The following MFAP2 variants were observed in gnomAD, a reference collection of about 807,000 sequenced individuals.
The protein encoded by MFAP2 is microfibril associated protein 2.
In MFAP2, 23 loss-of-function variants were observed where a neutral mutation model predicts 30.6. That is an observed-to-expected ratio of 0.75 (90% CI 0.54 to 1.07). The LOEUF (loss-of-function observed/expected upper bound fraction) is 1.07. Ranked by LOEUF, MFAP2 falls within the 50% of genes least tolerant of loss-of-function variation. The probability of loss-of-function intolerance (pLI) is 0.00; values close to 1 mark genes in which losing one functional copy is unlikely to be tolerated. For missense variants in MFAP2, 198 were observed against 223.8 expected (o/e 0.88, Z 0.74); for synonymous variants, 73 against 85.7 (o/e 0.85, Z 0.82).
intron 3 of MFAP2, 88 bp downstream of exon 3, chr1:16,977,021 G>C (rs2076598565): frequency 6.2e-7 from 1 of 1,612,412 alleles, no homozygotes; most frequent in South Asian, 1.1e-5. Context: ...CCAACCCCCA[G>C]AGTTCCCATC....
At chr1:16,980,267 A>ACCCCCCCCCCCCCCCCC (rs60000302) in intron 1 of MFAP2, among the ~76,000 whole-genome samples, 1 of 80,298 alleles carries the variant, frequency 1.2e-5, no homozygotes, top group Non-Finnish European at 2.3e-5. Flanking sequence ...TTCCCACCGG[A>ACCCCCCCCCCCCCCCCC]CCCCCCCCCC....
At chr1:16,978,403 A>G in intron 1 of MFAP2, 89 bp from the exon 2 acceptor site, 1 of 1,115,262 alleles carries the variant, frequency 9.0e-7, no homozygotes, top group Non-Finnish European at 1.3e-6. Flanking sequence ...GCCCTGGAGA[A>G]GGTGGCACCC....
Position 16,975,812 on chromosome 1 carries a change from C to A in MFAP2, c.287-82G>T. On this transcript the variant is annotated intron_variant, in intron 6 of 8. Coordinates refer to ENST00000375535, the MANE Select transcript of MFAP2 (RefSeq NM_002403.4). This position sits in a 1 kb window ranked among gnomAD's most constrained non-coding sequence, Gnocchi z 5.0. ...ACCCACCTGAGGCTGGCTCACAGGG[C>A]CTAGTCCCCCCTGTACCTTCAGGCC... is the stretch of plus-strand genomic sequence containing the variant. 8.5e-7 allele frequency: 1 copy of A among 1,171,460 alleles called. No homozygotes were observed. The highest frequency in any genetic ancestry group is 1.2e-6 in the Non-Finnish European group (1 of 801,222). 72.6% of individuals were successfully genotyped at this position (1,171,460 alleles called of 1,614,324 possible).
chr1:16,979,623 T>C (rs1045792783), intron 1 of MFAP2, among the ~76,000 whole-genome samples: 3 of 152,144 alleles, frequency 2.0e-5, no homozygotes, highest in African/African-American at 7.2e-5. Flanking sequence ...GACCTCCTCA[T>C]GGGAGGGGGA....
Position 16,975,120 on chromosome 1 carries a change from G to T in MFAP2, c.449-97C>A. On this transcript the variant is annotated intron_variant, in intron 8 of 8. Coordinates refer to ENST00000375535, the MANE Select transcript of MFAP2 (RefSeq NM_002403.4). This position sits in a 1 kb window ranked among gnomAD's most constrained non-coding sequence, Gnocchi z 5.0. ...CTGGTGATGGGAGTGTTTTGAGGAT[G>T]AAAAGTAGCAAGGAGGGGAGCTCAG... is the stretch of plus-strand genomic sequence containing the variant. 7.5e-7 allele frequency: 1 copy of T among 1,339,288 alleles called. No homozygotes were observed. Among genetic ancestry groups the T allele is most frequent in the Non-Finnish European group, 1.0e-6 (1 of 953,442 alleles). 83.0% of individuals were successfully genotyped at this position (1,339,288 alleles called of 1,614,324 possible). A position where few individuals can be genotyped will look rare whatever the true frequency, so the allele number is the denominator to read the frequency against.
At position 16,976,818 on chromosome 1, in the gene MFAP2, G is replaced by A; in HGVS notation, c.155-24C>T. The A allele has an allele frequency of 6.2e-7, 1 of 1,613,986 alleles. No homozygotes were observed. ...CTCTGCAGCCAGGGGAGGATAAGGGGGTCTGCTCCCTCTACCCCTCCCAGG... is the reference window on the plus strand; with the variant it reads ...CTCTGCAGCCAGGGGAGGATAAGGGAGTCTGCTCCCTCTACCCCTCCCAGG... On this transcript the variant is annotated intron_variant, in intron 4 of 8. Coordinates refer to ENST00000375535, the MANE Select transcript of MFAP2 (RefSeq NM_002403.4). This position sits in a 1 kb window ranked among gnomAD's most constrained non-coding sequence, Gnocchi z 5.5.
intron 2 of MFAP2, 24 bp downstream of exon 2, chr1:16,978,213 C>A: frequency 1.3e-6 from 2 of 1,561,330 alleles, no homozygotes; most frequent in East Asian, 2.3e-5. Context: ...AGAGGAGCTA[C>A]CCCCTGCCCC....
chr1:16,975,228 G>A lies in MFAP2; in HGVS notation c.448+41C>T. ...GCTAGGTGGCCAGATAATGATGCGG[G>A]TGTGGGGACAGGGGAGGTCTTGGGG... On this transcript the variant is annotated intron_variant, in intron 8 of 8. Transcript: ENST00000375535. This position sits in a 1 kb window ranked among gnomAD's most constrained non-coding sequence, Gnocchi z 5.0. 1 of 1,571,566 alleles carries A rather than the reference G, an allele frequency of 6.4e-7. No homozygotes were observed. Among genetic ancestry groups the A allele is most frequent in the East Asian group, 2.2e-5 (1 of 44,680 alleles).
In MFAP2 at chr1:16,975,144, AG is replaced by A. The variant is rs2076577913; in HGVS notation, c.449-122del. 10 of 1,279,734 alleles carry A rather than the reference AG, an allele frequency of 7.8e-6. No homozygotes were observed. The highest frequency in any genetic ancestry group is 1.5e-5 in the African/African-American group (1 of 68,520). The allele number at this position is 1,279,734 out of a possible 1,614,324, so 79.3% of individuals were successfully genotyped here. A position where few individuals can be genotyped will look rare whatever the true frequency, so the allele number is the denominator to read the frequency against. On this transcript the variant is annotated intron_variant, in intron 8 of 8. Coordinates refer to ENST00000375535, the MANE Select transcript of MFAP2 (RefSeq NM_002403.4). The surrounding 1 kb of genome is among the most constrained non-coding windows in gnomAD (Gnocchi z 5.0). Reference sequence around the variant, plus strand: ...TGAAAAGTAGCAAGGAGGGGAGCTCAGGGTGTCCTGGAAGTGGGCCTGGTGG... The same window carrying A: ...TGAAAAGTAGCAAGGAGGGGAGCTCAGGTGTCCTGGAAGTGGGCCTGGTGG...
Position 16,975,032 on chromosome 1 carries a change from G to A in MFAP2, c.449-9C>T, listed in dbSNP as rs773034942. The stretch of plus-strand genomic sequence containing the variant: ...GTCCCGACAGAGGTCAGCTATTGGG[G>A]GCAGGAAGGAGGCAGGGTCAGGGTG... On this transcript the variant is annotated splice_polypyrimidine_tract_variant and intron_variant, in intron 8 of 8. Transcript: ENST00000375535. This position sits in a 1 kb window ranked among gnomAD's most constrained non-coding sequence, Gnocchi z 5.0. 19 of 805,028 alleles carry A rather than the reference G, an allele frequency of 2.4e-5. No individual in the cohort carries two copies. Among genetic ancestry groups the A allele is most frequent in the Non-Finnish European group, 3.8e-5 (18 of 475,868 alleles). 49.9% of individuals were successfully genotyped at this position (805,028 alleles called of 1,614,324 possible).
In MFAP2 at chr1:16,976,371, C is replaced by T; in HGVS notation, c.286+130G>A. On this transcript the variant is annotated intron_variant, in intron 6 of 8. Transcript: ENST00000375535. The surrounding 1 kb of genome is among the most constrained non-coding windows in gnomAD (Gnocchi z 5.5). ...CCTGGTGATGCCAGCCTACGGCAGT[C>T]ATACTGCCCACACTGCCAAGAGCCC... 8.4e-7 allele frequency: 1 copy of T among 1,193,208 alleles called. No homozygotes were observed. The highest frequency in any genetic ancestry group is 1.2e-6 in the Non-Finnish European group (1 of 805,916). 73.9% of individuals were successfully genotyped at this position (1,193,208 alleles called of 1,614,324 possible).
rs1351185115 is a variant in MFAP2 at position 16,976,224 on chromosome 1, C to T, written c.286+277G>A. On this transcript the variant is annotated intron_variant, in intron 6 of 8. Coordinates refer to ENST00000375535, the MANE Select transcript of MFAP2 (RefSeq NM_002403.4). This position sits in a 1 kb window ranked among gnomAD's most constrained non-coding sequence, Gnocchi z 5.5. Reference sequence around the variant, plus strand: ...CTCAGTCTCTCTGGCTGGCAGGAAGCCCCCAGCACACTCCCTGCCCCTCCC... The same window carrying T: ...CTCAGTCTCTCTGGCTGGCAGGAAGTCCCCAGCACACTCCCTGCCCCTCCC... The T allele has an allele frequency of 8.6e-6, 5 of 579,454 alleles. No individual in the cohort carries two copies. The African/African-American group carries it at 9.4e-5, about 11-fold the overall frequency. The allele number at this position is 579,454 out of a possible 1,614,324, so 35.9% of individuals were successfully genotyped here. A position where few individuals can be genotyped will look rare whatever the true frequency, so the allele number is the denominator to read the frequency against.
In MFAP2 at chr1:16,975,420, C is replaced by G. The variant is rs565850083; in HGVS notation, c.375-78G>C. The G allele has an allele frequency of 1.1e-6, 1 of 939,234 alleles. No homozygotes were observed. Among genetic ancestry groups the G allele is most frequent in the East Asian group, 9.5e-5 (1 of 10,572 alleles). The allele number at this position is 939,234 out of a possible 1,614,324, so 58.2% of individuals were successfully genotyped here. ...GGGATAGCCCAGACAGAACCTGGCACGGGAGCCCGGACAGAACCTGGCACG... is the reference window on the plus strand; with the variant it reads ...GGGATAGCCCAGACAGAACCTGGCAGGGGAGCCCGGACAGAACCTGGCACG... On this transcript the variant is annotated intron_variant, in intron 7 of 8. Coordinates refer to ENST00000375535, the MANE Select transcript of MFAP2 (RefSeq NM_002403.4). This position sits in a 1 kb window ranked among gnomAD's most constrained non-coding sequence, Gnocchi z 5.0.
upstream of MFAP2, chr1:16,980,732 A>C (rs2076632932): frequency 2.7e-5 from 4 of 150,716 alleles, no homozygotes; most frequent in Non-Finnish European, 5.9e-5. Context: ...AGCTGCCCGC[A>C]TGGGCCGCCA....
At position 16,976,531 on chromosome 1, in the gene MFAP2, C is replaced by A. The variant is rs777799178; in HGVS notation, c.256G>T (p.Glu86Ter). ...GGCCCAGGCTCTGTGGGCTCCAGCT[C>A]TGCATTTCCTGGTTCTGGTGTGGAG... ...PAPTPEPGNAELEPTEPGPLD... is the reference protein window; with the variant it reads ...PAPTPEPGNA Residue 86 changes from glutamate (E) to a stop codon, truncating the protein, a stop_gained, in exon 6 of 9, where the codon GAG (glutamate) becomes TAG (stop). Transcript: ENST00000375535. LOFTEE classifies it high-confidence loss of function. The surrounding 1 kb of genome is among the most constrained non-coding windows in gnomAD (Gnocchi z 5.5). The A allele has an allele frequency of 2.5e-6, 4 of 1,614,258 alleles. No homozygotes were observed. In the Admixed American group the frequency reaches 5.0e-5, roughly 20 times the overall value.
At position 16,978,239 on chromosome 1, in the gene MFAP2, G is replaced by A. The variant is rs1290845895; in HGVS notation, c.35C>T (p.Pro12Leu). The change falls in exon 2 of 9, where the codon CCT (proline) becomes CTT (leucine). Residue 12 changes from proline (P) to leucine (L), a missense_variant and splice_region_variant. Pro to Leu is a moderately conservative substitution (Grantham distance 98). Transcript: ENST00000375535. ...CCCCTGCCCCAGGAGCCACTTACCA[G>A]GCAGGAATAGCAGGAAGAGGTAGGC... ...RAAYLFLLFL[P>L]AGLLAQGQYD... 1 of 1,574,280 alleles carries A rather than the reference G, an allele frequency of 6.4e-7. No individual in the cohort carries two copies. The highest frequency in any genetic ancestry group is 8.6e-7 in the Non-Finnish European group (1 of 1,159,274).
In MFAP2 at chr1:16,974,625, TC is replaced by T. The variant is rs1261624533; in HGVS notation, c.*294del. Reference sequence around the variant, plus strand: ...GTAGCCTACCTCGGGGGACTGTCTGTCCTCAAAACGGGCTGAGAAGGCCCGT... The same window carrying T: ...GTAGCCTACCTCGGGGGACTGTCTGTCTCAAAACGGGCTGAGAAGGCCCGT... On this transcript the variant is annotated 3_prime_UTR_variant, in exon 9 of 9. Coordinates refer to ENST00000375535, the MANE Select transcript of MFAP2 (RefSeq NM_002403.4). The T allele has an allele frequency of 3.1e-5, 1 of 31,930 alleles. No individual in the cohort carries two copies. Among genetic ancestry groups the T allele is most frequent in the East Asian group, 5.5e-4 (1 of 1,812 alleles). 2.0% of individuals were successfully genotyped at this position (31,930 alleles called of 1,614,324 possible).
rs1359735739 is a variant in MFAP2, at chr1:16,976,496, C to T, written c.286+5G>A. On this transcript the variant is annotated splice_donor_5th_base_variant and intron_variant, in intron 6 of 8. Transcript: ENST00000375535. This position sits in a 1 kb window ranked among gnomAD's most constrained non-coding sequence, Gnocchi z 5.5. ...CATTTTTCCAGCTGTCAAGAAAGCC[C>T]TTACCAAGAGGCCCAGGCTCTGTGG... The T allele has an allele frequency of 1.2e-6, 2 of 1,614,236 alleles. No individual in the cohort carries two copies. Among genetic ancestry groups the T allele is most frequent in the Admixed American group, 1.7e-5 (1 of 60,028 alleles).
Position 16,977,152 on chromosome 1 carries a change from C to T in MFAP2, c.84G>A (p.Pro28=), listed in dbSNP as rs779510947. 6.2e-6 allele frequency: 10 copies of T among 1,613,298 alleles called. No homozygotes were observed. The highest frequency in any genetic ancestry group is 4.4e-5 in the South Asian group (4 of 91,070). The change falls in exon 3 of 9, where the codon CCG becomes CCA. Residue 28 remains proline (P), a synonymous_variant. Transcript: ENST00000375535. ...QGQYDLDPLP[P]FPDHVQYTHY... is the part of the protein sequence containing the mutation. ...GGGTGTACTGGACGTGGTCAGGGAA[C>T]GGCGGCAGCGGGTCCAGGTCATACT...
Sources: gnomAD v4.1 joint callset for allele counts (sites outside exome capture counted in the v4.1 genomes callset) on GRCh38, gnomAD v4.1.1 for gene constraint, Gnocchi (gnomAD v3.1) non-coding constraint, MANE v1.5 for transcripts, NCBI Gene and HGNC (gene_info 2026-07-23, HGNC 2026-07-21) for gene names.